The following GDE1 variants were observed in gnomAD, a reference collection of about 807,000 sequenced individuals.
GDE1 encodes the protein RGS16-interacting membrane protein.
In GDE1, 24 loss-of-function variants were observed where a neutral mutation model predicts 32.2. The ratio of observed to expected loss-of-function variants is 0.75; its 90% CI spans 0.54 to 1.05. The LOEUF (loss-of-function observed/expected upper bound fraction) is 1.05, where lower values mean the gene tolerates loss of function less well. GDE1 is among the 50% of genes least tolerant of loss of function. The pLI is 0.00. For missense variants in GDE1, 380 were observed against 415.0 expected, an observed-to-expected ratio of 0.92 and a Z score of 0.73; for synonymous variants, 159 against 158.6, an observed-to-expected ratio of 1.00 and a Z score of -0.02.
At chr16:19,513,223 T>C (rs2151447786) in intron 2 of GDE1, among the ~76,000 whole-genome samples, 1 of 152,306 alleles carries the variant, frequency 6.6e-6, no homozygotes, top group South Asian at 2.1e-4. Flanking sequence ...GGAATATTAA[T>C]TCTTCTGATC....
intron 1 of GDE1, among the ~76,000 whole-genome samples, chr16:19,518,335 T>C (rs1403689092): frequency 6.6e-6 from 1 of 152,050 alleles, no homozygotes; most frequent in Non-Finnish European, 1.5e-5. Context: ...AAACAAAAAC[T>C]ATTATTTATT....
intron 1 of GDE1, among the ~76,000 whole-genome samples, chr16:19,519,567 T>C (rs1969423922): frequency 6.6e-6 from 1 of 152,184 alleles, no homozygotes; most frequent in African/African-American, 2.4e-5. Context: ...TTTATTACTA[T>C]ATTTGCTTTA....
intron 3 of GDE1, among the ~76,000 whole-genome samples, chr16:19,510,249 T>C (rs914576753): frequency 6.6e-6 from 1 of 152,160 alleles, no homozygotes; most frequent in African/African-American, 2.4e-5. Context: ...GAATGTCAAA[T>C]ACATTTGAAG....
At chr16:19,520,515 A>G (rs1969437562) in intron 1 of GDE1, among the ~76,000 whole-genome samples, 2 of 152,000 alleles carry the variant, frequency 1.3e-5, no homozygotes, top group South Asian at 4.1e-4. Context: ...CTTTGAGGCC[A>G]GGAGTTTGAG....
chr16:19,507,039 T>C (rs1969256580), intron 4 of GDE1, among the ~76,000 whole-genome samples: 1 of 148,326 alleles, frequency 6.7e-6, no homozygotes, highest in African/African-American at 2.4e-5. Flanking sequence ...CTTGGAAGGC[T>C]GAGGCAGGAG....
In GDE1 at chr16:19,505,010, C is replaced by T. The variant is rs571341439; in HGVS notation, c.719G>A (p.Arg240His). ...SLSHTGDGKPRYDTFWKHFIF... is the reference protein window; with the variant it reads ...SLSHTGDGKPHYDTFWKHFIF... The stretch of plus-strand genomic sequence containing the variant: ...AAAATGTTTCCAGAAAGTATCATAG[C>T]GTGGTTTCCCATCTCCTGTATGGCT... Residue 240 changes from arginine to histidine, a missense_variant, in exon 5 of 6, where the codon CGC becomes CAC. By Grantham distance (29) the Arg-to-His change is conservative. Coordinates refer to ENST00000353258, the MANE Select transcript of GDE1 (RefSeq NM_016641.4). The T allele has an allele frequency of 5.6e-5, 90 of 1,612,296 alleles. No individual in the cohort carries two copies. Among genetic ancestry groups the T allele is most frequent in the Non-Finnish European group, 7.3e-5 (86 of 1,178,416 alleles).
intron 1 of GDE1, among the ~76,000 whole-genome samples, chr16:19,519,885 A>C (rs922585091): frequency 6.6e-6 from 1 of 152,108 alleles, no homozygotes; most frequent in African/African-American, 2.4e-5. Context: ...GGAGGAGTAC[A>C]TCTGTAATCT....
intron 3 of GDE1, among the ~76,000 whole-genome samples, chr16:19,508,633 A>G (rs1396034773): frequency 1.3e-5 from 2 of 151,632 alleles, no homozygotes; most frequent in Non-Finnish European, 2.9e-5. Flanking sequence ...TATAGAAAGC[A>G]TTTTTTTTTC....
chr16:19,521,775 G>C lies in GDE1; in HGVS notation c.190C>G (p.Arg64Gly), dbSNP rs143742836. ...RALQVLKPRD[R>G]ISAIAHRGGS... is the part of the protein sequence containing the mutation. ...CCACGGTGGGCGATGGCAGAAATGC[G>C]GTCCCGGGGCTTGAGCACCTGCAGG... Residue 64 changes from arginine to glycine, a missense_variant, in exon 1 of 6, where the codon CGC (arginine) becomes GGC (glycine). Physicochemically the swap from Arg to Gly is moderately radical, Grantham distance 125 (BLOSUM62 -2). Coordinates refer to ENST00000353258, the MANE Select transcript of GDE1 (RefSeq NM_016641.4). The C allele has an allele frequency of 6.8e-6, 11 of 1,611,850 alleles. No individual in the cohort carries two copies. In the East Asian group the frequency reaches 1.1e-4, roughly 16 times the overall value.
chr16:19,504,843 ATGTC>A (rs765815603), intron 5 of GDE1, 34 bp downstream of exon 5: 21 of 1,284,848 alleles, frequency 1.6e-5, no homozygotes, highest in Middle Eastern at 1.9e-4. Flanking sequence ...AGCATTCAGG[ATGTC>A]TGTCTGGGTA....
At chr16:19,518,908 T>C in intron 1 of GDE1, among the ~76,000 whole-genome samples, 1 of 152,170 alleles carries the variant, frequency 6.6e-6, no homozygotes, top group East Asian at 1.9e-4. Flanking sequence ...TTCCCTCTGC[T>C]CTCACAACAA....
At chr16:19,514,217 C>A (rs951121296) in intron 2 of GDE1, among the ~76,000 whole-genome samples, 1 of 152,040 alleles carries the variant, frequency 6.6e-6, no homozygotes, top group African/African-American at 2.4e-5. Context: ...GGAACTCAAA[C>A]ACGTTTACAG....
intron 1 of GDE1, among the ~76,000 whole-genome samples, chr16:19,520,738 A>G (rs1429310979): frequency 2.8e-5 from 4 of 141,684 alleles, no homozygotes; most frequent in South Asian, 4.3e-4. Flanking sequence ...AAAAAAAAAA[A>G]AAGAAGAAGA....
At chr16:19,510,678 A>G (rs2151446773) in intron 3 of GDE1, among the ~76,000 whole-genome samples, 161 bp downstream of exon 3, 1 of 152,340 alleles carries the variant, frequency 6.6e-6, no homozygotes, top group African/African-American at 2.4e-5. Flanking sequence ...GTTTCCTTAA[A>G]TGATATAGAT....
chr16:19,514,667 T>G (rs1969358520), intron 2 of GDE1, among the ~76,000 whole-genome samples: 1 of 152,198 alleles, frequency 6.6e-6, no homozygotes, highest in Admixed American at 6.5e-5. Flanking sequence ...GAAAACTAAG[T>G]GCTTGATACA....
chr16:19,522,033 G>C lies in GDE1; in HGVS notation c.-69C>G, dbSNP rs1358359676. ...GGCTCCTGGGGCAGTAGAACGAGAA[G>C]CGAGGGGGAGGGTCCAAGGCACCGG... On this transcript the variant is annotated 5_prime_UTR_variant, in exon 1 of 6. Coordinates refer to ENST00000353258, the MANE Select transcript of GDE1 (RefSeq NM_016641.4). 2.1e-6 allele frequency: 3 copies of C among 1,462,106 alleles called. No homozygotes were observed. The highest frequency in any genetic ancestry group is 2.7e-6 in the Non-Finnish European group (3 of 1,099,826). The allele number at this position is 1,462,106 out of a possible 1,614,324, so 90.6% of individuals were successfully genotyped here. A position where few individuals can be genotyped will look rare whatever the true frequency, so the allele number is the denominator to read the frequency against.
intron 1 of GDE1, chr16:19,521,168 C>T (rs1408948286): frequency 6.5e-6 from 1 of 153,418 alleles, no homozygotes; most frequent in Non-Finnish European, 1.5e-5. Context: ...CCACACACTG[C>T]CTCTTCTGTT....
intron 4 of GDE1, among the ~76,000 whole-genome samples, chr16:19,506,088 G>A (rs1007141087): frequency 2.0e-5 from 3 of 152,084 alleles, no homozygotes; most frequent in African/African-American, 2.4e-5. Flanking sequence ...GCCTCCTGAC[G>A]GAAAAACACC....
intron 1 of GDE1, among the ~76,000 whole-genome samples, chr16:19,518,019 C>A (rs758122316): frequency 1.1e-4 from 17 of 151,998 alleles, no homozygotes; most frequent in South Asian, 4.2e-4. Flanking sequence ...TCCCAAGTAG[C>A]CGGGACTACT....
Sources: allele counts gnomAD v4.1 joint callset (sites outside exome capture counted in the v4.1 genomes callset), GRCh38; gene constraint gnomAD v4.1.1; transcripts MANE v1.5; gene names NCBI Gene and HGNC (gene_info 2026-07-23, HGNC 2026-07-21).